Variants in CELF2 observed in about 807,000 individuals in gnomAD.
The protein encoded by CELF2 is CUG triplet repeat RNA-binding protein 2.
Under a neutral mutation model 62.6 loss-of-function variants are expected in CELF2, and 8 were observed. That is an observed-to-expected ratio of 0.13 (90% CI 0.07 to 0.23). The LOEUF (loss-of-function observed/expected upper bound fraction) is 0.23. Ranked by LOEUF, CELF2 falls within the 10% of genes least tolerant of loss-of-function variation. The pLI, the probability that CELF2 is intolerant of heterozygous loss-of-function variation, is 1.00. For synonymous variants in CELF2, 258 were observed against 250.0 expected (o/e 1.03, Z -0.30); for missense variants, 333 against 671.0 (o/e 0.50, Z 5.56).
intron 1 of CELF2, among the ~76,000 whole-genome samples, chr10:11,030,080 A>T (rs1191974625): frequency 2.0e-5 from 3 of 152,184 alleles, no homozygotes; most frequent in Non-Finnish European, 4.4e-5. Flanking sequence ...TCCAGTGTCA[A>T]CCAAACTAAT....
intron 2 of CELF2, among the ~76,000 whole-genome samples, chr10:10,967,382 G>C (rs1166331806): frequency 6.6e-6 from 1 of 152,198 alleles, no homozygotes; most frequent in African/African-American, 2.4e-5. Context: ...CTTTAGACTA[G>C]GCTTGACTGA....
intron 1 of CELF2, among the ~76,000 whole-genome samples, chr10:11,101,799 T>G (rs1382615075): frequency 6.6e-6 from 1 of 152,208 alleles, no homozygotes; most frequent in Non-Finnish European, 1.5e-5. Flanking sequence ...CTGTGGGAAA[T>G]GTATCTAGTT....
the CELF2 span, among the ~76,000 whole-genome samples, chr10:10,690,060 G>A: frequency 6.6e-6 from 1 of 152,086 alleles, no homozygotes; most frequent in Non-Finnish European, 1.5e-5. Context: ...TCCATATATG[G>A]GTGCTAGGAG....
chr10:11,141,763 T>A (rs2061388091), intron 1 of CELF2, among the ~76,000 whole-genome samples: 1 of 152,218 alleles, frequency 6.6e-6, no homozygotes, highest in Non-Finnish European at 1.5e-5. Flanking sequence ...TTAGACCTGG[T>A]TCCTGCCCTC....
Position 11,165,473 on chromosome 10 carries a change from C to A in CELF2, c.75-13C>A, listed in dbSNP as rs774442582. The A allele has an allele frequency of 6.2e-7, 1 of 1,608,392 alleles. No homozygotes were observed. On this transcript the variant is annotated splice_polypyrimidine_tract_variant and intron_variant, in intron 1 of 12. Transcript: ENST00000633077. This position sits in a 1 kb window ranked among gnomAD's most constrained non-coding sequence, Gnocchi z 7.4. ...GCCGCCCTAACTCTGGCTCCCGGTT[C>A]CGTTTTTGACAGTAACGGCACAGCC...
At chr10:10,691,535 G>C in the CELF2 span, among the ~76,000 whole-genome samples, 2 of 151,908 alleles carry the variant, frequency 1.3e-5, no homozygotes, top group African/African-American at 4.8e-5. Flanking sequence ...AATGGGATGG[G>C]CTGGGTCAAA....
the CELF2 span, among the ~76,000 whole-genome samples, chr10:10,710,300 G>A: frequency 0.024 from 3,589 of 152,266 alleles, 143 homozygotes; most frequent in African/African-American, 0.081. Flanking sequence ...AGTTGTTACC[G>A]TCGTCATAAA....
At chr10:10,469,456 A>G in the CELF2 span, among the ~76,000 whole-genome samples, 2 of 152,046 alleles carry the variant, frequency 1.3e-5, no homozygotes, top group Non-Finnish European at 2.9e-5. Context: ...ACTTCACCAC[A>G]TAAAGGAGGT....
rs117959078 is a variant in CELF2, at chr10:11,331,157, A to G, written c.*2104A>G. ...ATTACCTATATTTTATACTGTTTCAATGTACAGGAGAAAGGTTACTGTAAA... is the reference window on the plus strand; with the variant it reads ...ATTACCTATATTTTATACTGTTTCAGTGTACAGGAGAAAGGTTACTGTAAA... On this transcript the variant is annotated 3_prime_UTR_variant, in exon 13 of 13. Coordinates refer to ENST00000633077, the MANE Select transcript of CELF2 (RefSeq NM_001326342.2). 421 of 152,674 alleles carry G rather than the reference A, an allele frequency of 2.8e-3. 4 individuals carry two copies. Among genetic ancestry groups the G allele is most frequent in the East Asian group, 0.015 (76 of 5,184 alleles). 9.5% of individuals were successfully genotyped at this position (152,674 alleles called of 1,614,324 possible). A position where few individuals can be genotyped will look rare whatever the true frequency, so the allele number is the denominator to read the frequency against.
At position 11,048,078 on chromosome 10, in the gene CELF2, C is replaced by G. The variant is rs140443208; in HGVS notation, c.74+29915C>G. On this transcript the variant is annotated intron_variant, in intron 1 of 12. Transcript: ENST00000633077. Reference sequence around the variant, plus strand: ...CTCTTCTCAGGTTCATTGTTTGGCCCACACCTCCTCCCCTCAACACTCCCC... The same window carrying G: ...CTCTTCTCAGGTTCATTGTTTGGCCGACACCTCCTCCCCTCAACACTCCCC... Among the ~76,000 whole-genome samples, 1,502 of 152,234 alleles carry G rather than the reference C, an allele frequency of 9.9e-3. 25 individuals are homozygous for G. The highest frequency in any genetic ancestry group is 0.034 in the African/African-American group (1,396 of 41,512).
At chr10:10,476,487 T>A in the CELF2 span, among the ~76,000 whole-genome samples, 49,019 of 152,058 alleles carry the variant, frequency 0.32, 9,298 homozygotes, top group Admixed American at 0.42. Context: ...GGTATCAAAG[T>A]AATGCCATCT....
the CELF2 span, among the ~76,000 whole-genome samples, chr10:10,497,840 G>C: frequency 6.6e-6 from 1 of 152,198 alleles, no homozygotes; most frequent in Non-Finnish European, 1.5e-5. Flanking sequence ...CTGTGGGAGG[G>C]TTTTGAGCAA....
chr10:10,752,460 G>A, the CELF2 span, among the ~76,000 whole-genome samples: 3 of 152,218 alleles, frequency 2.0e-5, no homozygotes, highest in African/African-American at 2.4e-5. Context: ...GGAGGCCAAC[G>A]TGGGCAGATC....
the CELF2 span, among the ~76,000 whole-genome samples, chr10:10,501,313 A>G: frequency 2.6e-5 from 4 of 152,140 alleles, no homozygotes; most frequent in Non-Finnish European, 5.9e-5. Flanking sequence ...AGGGTCTGTA[A>G]TGGTAGTTCT....
the CELF2 span, among the ~76,000 whole-genome samples, chr10:10,653,644 A>G: frequency 2.1e-5 from 3 of 142,624 alleles, no homozygotes; most frequent in African/African-American, 7.9e-5. Flanking sequence ...ATGAAGGCAG[A>G]AATAAAGATG....
At position 11,296,765 on chromosome 10, in the gene CELF2, C is replaced by T. The variant is rs558287559; in HGVS notation, c.976+8213C>T. ...GGTCAGTGACAGGAGAGATTCTGCC[C>T]CAAGGAAGTAAGGGAAATTTTAGTA... On this transcript the variant is annotated intron_variant, in intron 9 of 12. Transcript: ENST00000633077. This position sits in a 1 kb window ranked among gnomAD's most constrained non-coding sequence, Gnocchi z 5.0. Among the ~76,000 whole-genome samples the T allele has an allele frequency of 1.3e-5, 2 of 151,872 alleles. No homozygotes were observed. Among genetic ancestry groups the T allele is most frequent in the African/African-American group, 2.4e-5 (1 of 41,302 alleles).
chr10:11,228,837 T>C (rs2067557486), intron 3 of CELF2, among the ~76,000 whole-genome samples: 1 of 152,016 alleles, frequency 6.6e-6, no homozygotes, highest in African/African-American at 2.4e-5. Flanking sequence ...TTAAAAACTC[T>C]GCAGGTCACT....
intron 1 of CELF2, among the ~76,000 whole-genome samples, chr10:11,037,036 A>G (rs1036341536): frequency 2.6e-4 from 39 of 151,712 alleles, no homozygotes; most frequent in Middle Eastern, 3.4e-3. Context: ...GAGAGCTTCT[A>G]TCTTCACCCA....
the CELF2 span, among the ~76,000 whole-genome samples, chr10:10,614,148 A>C: frequency 2.0e-5 from 3 of 152,110 alleles, no homozygotes; most frequent in Non-Finnish European, 2.9e-5. Context: ...TTCTCGAATA[A>C]TTTGGATTCT....
Sources: gnomAD v4.1 joint callset for allele counts (sites outside exome capture counted in the v4.1 genomes callset) on GRCh38, gnomAD v4.1.1 for gene constraint, Gnocchi (gnomAD v3.1) non-coding constraint, MANE v1.5 for transcripts, NCBI Gene and HGNC (gene_info 2026-07-23, HGNC 2026-07-21) for gene names.